The following GRID2 variants were observed in gnomAD, a reference collection of about 807,000 sequenced individuals.
GRID2 encodes glutamate ionotropic receptor delta type subunit 2.
In GRID2, 33 loss-of-function variants were observed where a neutral mutation model predicts 114.8. The ratio of observed to expected loss-of-function variants is 0.29; its 90% CI spans 0.22 to 0.38. The LOEUF is 0.38. Among genes scored for constraint, GRID2 ranks in the 10% least tolerant of loss-of-function variants. GRID2 has a pLI of 1.00. For missense variants in GRID2, 1,184 were observed against 1,257.7 expected (o/e 0.94, Z 0.89); for synonymous variants, 505 against 449.9 (o/e 1.12, Z -1.55).
intron 2 of GRID2, among the ~76,000 whole-genome samples, chr4:92,926,497 T>C (rs2149514263): frequency 6.6e-6 from 1 of 152,106 alleles, no homozygotes; most frequent in Non-Finnish European, 1.5e-5. Flanking sequence ...TTTAATGATT[T>C]CTAAACAAGG....
At chr4:93,520,861 G>T (rs1347118224) in intron 13 of GRID2, among the ~76,000 whole-genome samples, 1 of 152,110 alleles carries the variant, frequency 6.6e-6, no homozygotes, top group African/African-American at 2.4e-5. Flanking sequence ...AGAGTTTTGA[G>T]CAGAAGAGTG....
chr4:92,460,032 C>CTATATATA (rs373743453), intron 1 of GRID2, among the ~76,000 whole-genome samples: 635 of 48,416 alleles, frequency 0.013, 105 homozygotes, highest in African/African-American at 0.043. Context: ...ATAAATCTCA[C>CTATATATA]TATATATATA....
At chr4:92,926,988 A>G (rs1749856264) in intron 2 of GRID2, among the ~76,000 whole-genome samples, 2 of 151,962 alleles carry the variant, frequency 1.3e-5, no homozygotes, top group Admixed American at 6.6e-5. Flanking sequence ...CATTTAAAAC[A>G]TGGAAGATTA....
At chr4:92,373,815 T>C (rs750323836) in intron 1 of GRID2, among the ~76,000 whole-genome samples, 1 of 152,182 alleles carries the variant, frequency 6.6e-6, no homozygotes, top group African/African-American at 2.4e-5. Flanking sequence ...AGAAACTCTC[T>C]AGGATGAGTA....
intron 2 of GRID2, among the ~76,000 whole-genome samples, chr4:92,769,643 G>T (rs187800463): frequency 3.3e-5 from 5 of 152,182 alleles, no homozygotes; most frequent in Admixed American, 1.3e-4. Context: ...CTCAAGTCTT[G>T]ACTTCTGTGC....
At chr4:93,034,066 G>T (rs1280223962) in intron 2 of GRID2, among the ~76,000 whole-genome samples, 1 of 152,192 alleles carries the variant, frequency 6.6e-6, no homozygotes, top group African/African-American at 2.4e-5. Context: ...AACTGCCTTT[G>T]AGCTGATCTG....
intron 2 of GRID2, among the ~76,000 whole-genome samples, chr4:92,931,025 A>G (rs1750191512): frequency 6.6e-6 from 1 of 151,048 alleles, no homozygotes; most frequent in Non-Finnish European, 1.5e-5. Context: ...ATGAGGCAGC[A>G]TATCTCTGAT....
chr4:93,362,350 G>A (rs1405806995), intron 8 of GRID2, among the ~76,000 whole-genome samples: 3 of 151,902 alleles, frequency 2.0e-5, no homozygotes, highest in Non-Finnish European at 4.4e-5. Flanking sequence ...ACAGTTCTTA[G>A]GCTTAGGCAG....
intron 14 of GRID2, among the ~76,000 whole-genome samples, chr4:93,710,267 A>T (rs1728370864): frequency 6.6e-6 from 1 of 152,234 alleles, no homozygotes; most frequent in South Asian, 2.1e-4. Flanking sequence ...ATCTTCGGTC[A>T]ATGCAGCCAT....
chr4:93,456,080 C>G, intron 11 of GRID2, 106 bp downstream of exon 11: 1 of 683,198 alleles, frequency 1.5e-6, no homozygotes, highest in South Asian at 1.8e-5. Context: ...AATAAGTGTT[C>G]TAAAGGGTAC....
intron 2 of GRID2, among the ~76,000 whole-genome samples, chr4:92,637,068 T>C (rs1731099613): frequency 6.6e-6 from 1 of 151,942 alleles, no homozygotes; most frequent in Non-Finnish European, 1.5e-5. Flanking sequence ...TTAAATATAA[T>C]GTAATTTTTC....
rs921812289 is a variant in GRID2 at position 93,422,837 on chromosome 4, A to G, written c.1414A>G (p.Ile472Val). ...GKPKKYQGFS[I>V]DVLDALSNYL... ...GCCGAAGAAATACCAGGGCTTCTCC[A>G]TTGATGTTTTGGATGCCTTATCTAA... The change falls in exon 10 of 16, where the codon ATT becomes GTT. Residue 472 changes from isoleucine (I) to valine (V), a missense_variant. Transcript: ENST00000282020. 11 of 1,613,492 alleles carry G rather than the reference A, an allele frequency of 6.8e-6. No individual in the cohort carries two copies. The African/African-American group carries it at 9.3e-5, about 14-fold the overall frequency.
chr4:92,911,617 A>G (rs938058481), intron 2 of GRID2, among the ~76,000 whole-genome samples: 21 of 151,862 alleles, frequency 1.4e-4, no homozygotes, highest in African/African-American at 4.8e-4. Context: ...CCACAAAACA[A>G]TTGCTGGTGT....
At chr4:93,680,393 A>G (rs1725395227) in intron 14 of GRID2, among the ~76,000 whole-genome samples, 1 of 151,810 alleles carries the variant, frequency 6.6e-6, no homozygotes, top group Admixed American at 6.6e-5. Context: ...ATTCCAATCA[A>G]TAGAAAAAGA....
chr4:93,140,095 G>A (rs1380583967), intron 4 of GRID2, among the ~76,000 whole-genome samples: 2 of 151,582 alleles, frequency 1.3e-5, no homozygotes, highest in South Asian at 2.1e-4. Context: ...CCAAGTAAGG[G>A]TTTGATCGTC....
At chr4:92,901,819 C>CTTT (rs201152026) in intron 2 of GRID2, among the ~76,000 whole-genome samples, 19 of 151,156 alleles carry the variant, frequency 1.3e-4, no homozygotes, top group Admixed American at 1.3e-3. Context: ...TCTATATTAT[C>CTTT]TTTTTGTGTG....
At chr4:93,108,624 A>ATTTTTTTTTCTTTTTTTTTTTTTTTTTTT (rs1732470087) in intron 3 of GRID2, among the ~76,000 whole-genome samples, 1 of 142,738 alleles carries the variant, frequency 7.0e-6, no homozygotes. Context: ...TCTGACATGT[A>ATTTTTTTTTCTTTTTTTTTTTTTTTTTTT]TTTTTTTTTT....
intron 2 of GRID2, among the ~76,000 whole-genome samples, chr4:92,838,407 G>A (rs1742627129): frequency 6.6e-6 from 1 of 152,042 alleles, no homozygotes; most frequent in Non-Finnish European, 1.5e-5. Flanking sequence ...CTACACTTGA[G>A]ATAATTGATT....
chr4:92,587,098 C>CTGTGTGTG (rs70942914), intron 1 of GRID2, among the ~76,000 whole-genome samples: 1,705 of 133,832 alleles, frequency 0.013, 39 homozygotes, highest in African/African-American at 0.038. Context: ...TGATGAAATG[C>CTGTGTGTG]TGTGTGTGTG....
Sources: gnomAD v4.1 joint callset for allele counts (sites outside exome capture counted in the v4.1 genomes callset) on GRCh38, gnomAD v4.1.1 for gene constraint, MANE v1.5 for transcripts, NCBI Gene and HGNC (gene_info 2026-07-23, HGNC 2026-07-21) for gene names.